The following EXOC4 variants were observed in gnomAD, a reference collection of about 807,000 sequenced individuals.
EXOC4 encodes exocyst complex component 4, also known as SEC8-like 1.
In EXOC4, 71 loss-of-function variants were observed where a neutral mutation model predicts 107.2. The ratio of observed to expected loss-of-function variants is 0.66; its 90% CI spans 0.55 to 0.81. EXOC4 has a LOEUF of 0.81. Ranked by LOEUF, EXOC4 falls within the 30% of genes least tolerant of loss-of-function variation. EXOC4 has a pLI of 0.00. For synonymous variants in EXOC4, 456 were observed against 441.2 expected, an observed-to-expected ratio of 1.03 and a Z score of -0.42; for missense variants, 1,108 against 1,189.6, an observed-to-expected ratio of 0.93 and a Z score of 1.01.
intron 10 of EXOC4, 119 bp from the exon 11 acceptor site, chr7:133,817,206 A>G: frequency 1.5e-6 from 1 of 654,132 alleles, no homozygotes; most frequent in Non-Finnish European, 2.7e-6. Context: ...GATGAGTATT[A>G]TTGATGACCT....
Position 133,792,232 on chromosome 7 carries a change from C to T in EXOC4, c.1515-25093C>T, listed in dbSNP as rs183843647. Among the ~76,000 whole-genome samples, 65 of 152,082 alleles carry T rather than the reference C, an allele frequency of 4.3e-4. 1 individual carries two copies. In the East Asian group the frequency reaches 4.8e-3, roughly 11 times the overall value. ...TGAGCTTTCACATTTGCTTCTACTC[C>T]GATTAAACAGCTCATATTGTTTCAT... On this transcript the variant is annotated intron_variant, in intron 10 of 17. Coordinates refer to ENST00000253861, the MANE Select transcript of EXOC4 (RefSeq NM_021807.4).
At chr7:133,434,305 G>A (rs979276567) in intron 7 of EXOC4, among the ~76,000 whole-genome samples, 5 of 152,070 alleles carry the variant, frequency 3.3e-5, no homozygotes, top group Non-Finnish European at 7.4e-5. Flanking sequence ...GGAAAAAGAA[G>A]GTTGTTTATT....
At chr7:133,773,946 T>C (rs959056718) in intron 10 of EXOC4, among the ~76,000 whole-genome samples, 18 of 151,582 alleles carry the variant, frequency 1.2e-4, no homozygotes, top group Admixed American at 7.2e-4. Flanking sequence ...ATATGGCTGG[T>C]TTTGTATTAG....
intron 7 of EXOC4, among the ~76,000 whole-genome samples, chr7:133,465,804 C>T (rs1798713499): frequency 6.6e-6 from 1 of 152,006 alleles, no homozygotes; most frequent in African/African-American, 2.4e-5. Context: ...GAAGAAAGAC[C>T]TAAATAATCA....
chr7:133,479,205 T>A (rs1799094567), intron 8 of EXOC4: 1 of 152,214 alleles, frequency 6.6e-6, no homozygotes, highest in African/African-American at 2.4e-5. Flanking sequence ...TCTTATCACA[T>A]CAAAGGATTT....
intron 14 of EXOC4, among the ~76,000 whole-genome samples, chr7:133,948,887 T>C (rs920010068): frequency 2.6e-5 from 4 of 152,294 alleles, no homozygotes; most frequent in Admixed American, 2.6e-4. Flanking sequence ...CATAATCACC[T>C]ATTACGAGTT....
intron 9 of EXOC4, among the ~76,000 whole-genome samples, chr7:133,535,710 TTC>T (rs1252108115): frequency 2.0e-5 from 3 of 152,172 alleles, no homozygotes; most frequent in African/African-American, 7.2e-5. Context: ...CGTTTTAATT[TTC>T]TTTTATAGAT....
At chr7:133,759,219 G>A (rs1045525137) in intron 10 of EXOC4, among the ~76,000 whole-genome samples, 2 of 149,942 alleles carry the variant, frequency 1.3e-5, no homozygotes, top group African/African-American at 4.9e-5. Flanking sequence ...CTGGCTTCAA[G>A]CAGTCCTCCT....
intron 9 of EXOC4, among the ~76,000 whole-genome samples, chr7:133,584,749 T>C (rs1801362436): frequency 6.6e-6 from 1 of 151,994 alleles, no homozygotes; most frequent in Admixed American, 6.6e-5. Context: ...CAGCTAATTT[T>C]TGTATTTCTA....
intron 9 of EXOC4, among the ~76,000 whole-genome samples, chr7:133,589,124 C>T (rs2150975851): frequency 6.6e-6 from 1 of 152,286 alleles, no homozygotes; most frequent in Non-Finnish European, 1.5e-5. Context: ...GCCATTTAGT[C>T]CTTCCCTAAA....
At chr7:133,622,265 A>C (rs1011325056) in intron 9 of EXOC4, among the ~76,000 whole-genome samples, 1 of 152,128 alleles carries the variant, frequency 6.6e-6, no homozygotes, top group African/African-American at 2.4e-5. Context: ...ATGAGCCGTC[A>C]CACCTGGCCG....
chr7:133,688,960 T>C (rs531250695), intron 10 of EXOC4, among the ~76,000 whole-genome samples: 129 of 152,288 alleles, frequency 8.5e-4, no homozygotes, highest in African/African-American at 3.0e-3. Context: ...ATATAGCTTC[T>C]TTCATATATG....
intron 10 of EXOC4, among the ~76,000 whole-genome samples, chr7:133,692,218 G>A (rs1794436872): frequency 6.6e-6 from 1 of 152,112 alleles, no homozygotes; most frequent in Non-Finnish European, 1.5e-5. Context: ...CCTCAAGAGA[G>A]TATTTCTAGA....
chr7:133,415,854 A>G (rs1463435142), intron 7 of EXOC4, among the ~76,000 whole-genome samples: 1 of 152,182 alleles, frequency 6.6e-6, no homozygotes, highest in Non-Finnish European at 1.5e-5. Context: ...TTGCCAAGGA[A>G]CAATTAAAAC....
chr7:133,597,554 CAAAAAAA>C lies in EXOC4; in HGVS notation c.1418-32476_1418-32470del, dbSNP rs58399632. On this transcript the variant is annotated intron_variant, in intron 9 of 17. Transcript: ENST00000253861. ...GGGCAAGAAGAGCGAAACTCTGTTTCAAAAAAAAAAAAAAAAAAAAACCCAAAAAAAA... is the reference window on the plus strand; with the variant it reads ...GGGCAAGAAGAGCGAAACTCTGTTTCAAAAAAAAAAAAAACCCAAAAAAAA... Among the ~76,000 whole-genome samples the C allele has an allele frequency of 1.6e-4, 15 of 96,076 alleles. 1 individual carries two copies. The highest frequency in any genetic ancestry group is 2.0e-4 in the Non-Finnish European group (10 of 50,670). 63.0% of individuals were successfully genotyped at this position (96,076 alleles called of 152,430 possible). A position where few individuals can be genotyped will look rare whatever the true frequency, so the allele number is the denominator to read the frequency against.
intron 10 of EXOC4, among the ~76,000 whole-genome samples, chr7:133,702,241 T>TAA (rs1029991527): frequency 1.3e-5 from 2 of 148,944 alleles, no homozygotes; most frequent in African/African-American, 5.0e-5. Context: ...TCGGGGTATC[T>TAA]AAGCAGCACA....
intron 9 of EXOC4, among the ~76,000 whole-genome samples, chr7:133,535,267 A>G (rs1159251418): frequency 6.6e-6 from 1 of 152,090 alleles, no homozygotes; most frequent in African/African-American, 2.4e-5. Context: ...GACTTGTCCA[A>G]AGTTACCCTC....
At chr7:133,300,529 G>A (rs1278807214) in intron 3 of EXOC4, among the ~76,000 whole-genome samples, 1 of 152,084 alleles carries the variant, frequency 6.6e-6, no homozygotes, top group East Asian at 1.9e-4. Context: ...CATGAAGTCC[G>A]GTCTACTGGT....
intron 9 of EXOC4, among the ~76,000 whole-genome samples, chr7:133,604,702 C>CTTTT (rs1801888688): frequency 8.8e-6 from 1 of 113,124 alleles, no homozygotes; most frequent in African/African-American, 3.6e-5. Flanking sequence ...TTCCTTCCTT[C>CTTTT]CTTCTTTCTT....
Sources: allele counts gnomAD v4.1 joint callset (sites outside exome capture counted in the v4.1 genomes callset), GRCh38; gene constraint gnomAD v4.1.1; transcripts MANE v1.5; gene names NCBI Gene and HGNC (gene_info 2026-07-23, HGNC 2026-07-21).